TXNL4B: variants seen among roughly 807,000 people sequenced by gnomAD.
TXNL4B encodes the protein thioredoxin like 4B, also known as thioredoxin-like protein 4B.
TXNL4B carries 12 observed loss-of-function variants against 13.0 expected under a neutral mutation model. That is an observed-to-expected ratio of 0.92 (90% CI 0.59 to 1.49). The LOEUF (loss-of-function observed/expected upper bound fraction) is 1.49, where lower values mean the gene tolerates loss of function less well. Ranked by LOEUF, TXNL4B falls within the 40% of genes most tolerant of loss-of-function variation. The probability of loss-of-function intolerance (pLI) is 0.00; values close to 1 mark genes in which losing one functional copy is unlikely to be tolerated. For synonymous variants in TXNL4B, 59 were observed against 58.9 expected, an observed-to-expected ratio of 1.00 and a Z score of -0.01; for missense variants, 214 against 173.6, an observed-to-expected ratio of 1.23 and a Z score of -1.31.
At chr16:72,092,591 C>T (rs1192812282) in intron 1 of TXNL4B, among the ~76,000 whole-genome samples, 2 of 152,022 alleles carry the variant, frequency 1.3e-5, no homozygotes, top group Non-Finnish European at 2.9e-5. Flanking sequence ...CGGATCTGTC[C>T]CACTAGAATT....
chr16:72,086,844 AG>A, intron 3 of TXNL4B, 42 bp from the exon 4 acceptor site: 2 of 1,445,000 alleles, frequency 1.4e-6, no homozygotes, highest in African/African-American at 2.8e-5. Context: ...AAGAACTTTG[AG>A]TAATCACTTG....
At chr16:72,093,750 T>TCCCCA (rs2041960315), upstream of TXNL4B, 1 of 152,284 alleles carries the variant, frequency 6.6e-6, no homozygotes, top group Admixed American at 6.5e-5. Context: ...CGGGATGTAG[T>TCCCCA]CTCTTAGGCT....
At chr16:72,090,415 T>G (rs1331236000) in intron 2 of TXNL4B, among the ~76,000 whole-genome samples, 2 of 152,120 alleles carry the variant, frequency 1.3e-5, no homozygotes, top group African/African-American at 4.8e-5. Flanking sequence ...CAGCTTCTAG[T>G]GGGTAAGGAC....
chr16:72,090,020 T>A, intron 2 of TXNL4B: 1 of 448,176 alleles, frequency 2.2e-6, no homozygotes, highest in South Asian at 1.6e-5. Context: ...TGGTCCTTTT[T>A]TCCCCAAGCT....
intron 1 of TXNL4B, 142 bp downstream of exon 1, chr16:72,093,225 T>A (rs936423420): frequency 2.6e-5 from 4 of 152,262 alleles, no homozygotes; most frequent in African/African-American, 4.8e-5. Flanking sequence ...TCAGTGGTCA[T>A]CTCTGCGTGT....
chr16:72,088,592 T>G (rs1277518652), intron 3 of TXNL4B, among the ~76,000 whole-genome samples: 2 of 152,226 alleles, frequency 1.3e-5, no homozygotes, highest in South Asian at 2.1e-4. Flanking sequence ...GTCCAAAAGC[T>G]TAAGAAAAAC....
chr16:72,088,576 T>C (rs1435856693), intron 3 of TXNL4B, among the ~76,000 whole-genome samples: 1 of 152,224 alleles, frequency 6.6e-6, no homozygotes, highest in East Asian at 1.9e-4. Flanking sequence ...TAAATGCCAC[T>C]TACCAGTCCA....
intron 2 of TXNL4B, among the ~76,000 whole-genome samples, chr16:72,089,399 G>T (rs1265636049): frequency 1.3e-5 from 2 of 152,120 alleles, no homozygotes; most frequent in African/African-American, 4.8e-5. Flanking sequence ...GGTTAGAAGG[G>T]GACCTTGGGG....
intron 3 of TXNL4B, among the ~76,000 whole-genome samples, chr16:72,087,968 C>T (rs1460797242): frequency 2.6e-5 from 4 of 152,208 alleles, no homozygotes; most frequent in South Asian, 2.1e-4. Flanking sequence ...TACATGCGCC[C>T]GCCACCACGC....
In TXNL4B at chr16:72,090,739, A is replaced by G. The variant is rs1450121858; in HGVS notation, c.11T>C (p.Leu4Pro). Residue 4 changes from leucine (L) to proline (P), a missense_variant, in exon 2 of 4, where the codon CTA becomes CCA. Transcript: ENST00000268483. Reference sequence around the variant, plus strand: ...CTTTTTGCTAGTCAGCTTGGGCAGTAGGAAGCTCATCTTGAAATAACCCAA... The same window carrying G: ...CTTTTTGCTAGTCAGCTTGGGCAGTGGGAAGCTCATCTTGAAATAACCCAA... The part of the protein sequence containing the change: MSF[L>P]LPKLTSKKEV... 1.2e-6 allele frequency: 2 copies of G among 1,614,146 alleles called. No homozygotes were observed. Among genetic ancestry groups the G allele is most frequent in the African/African-American group, 1.3e-5 (1 of 75,040 alleles).
chr16:72,089,249 A>G (rs2041867567), intron 2 of TXNL4B, 111 bp from the exon 3 acceptor site: 1 of 884,434 alleles, frequency 1.1e-6, no homozygotes. Context: ...TCCTGGGCCA[A>G]CAATGCAGCC....
chr16:72,090,635 G>C lies in TXNL4B; in HGVS notation c.115C>G (p.Leu39Val). ...TCACTTACAATATCATCTAGCTGCA[G>C]ACAGACAGGATCTTCATCTCTCCCA... Reference protein sequence around the residue: ...RFGRDEDPVCLQLDDILSKTS... With the variant: ...RFGRDEDPVCVQLDDILSKTS... Residue 39 changes from leucine (L) to valine (V), a missense_variant, in exon 2 of 4, where the codon CTG becomes GTG. Leu to Val is a conservative substitution (Grantham distance 32, BLOSUM62 1). Coordinates refer to ENST00000268483, the MANE Select transcript of TXNL4B (RefSeq NM_017853.3). The C allele has an allele frequency of 6.2e-7, 1 of 1,614,004 alleles. No individual in the cohort carries two copies. The highest frequency in any genetic ancestry group is 8.5e-7 in the Non-Finnish European group (1 of 1,179,964).
chr16:72,090,701 C>T lies in TXNL4B; in HGVS notation c.49G>A (p.Ala17Thr), dbSNP rs1442433115. The T allele has an allele frequency of 1.2e-6, 2 of 1,614,170 alleles. No homozygotes were observed. The highest frequency in any genetic ancestry group is 1.1e-5 in the South Asian group (1 of 91,088). Residue 17 changes from alanine to threonine, a missense_variant, in exon 2 of 4, where the codon GCG becomes ACG. Ala to Thr is a moderately conservative substitution (Grantham distance 58). Transcript: ENST00000268483. ...KLTSKKEVDQ[A>T]IKSTAEKVLV... ...ACCTTCTCAGCAGTACTTTTTATCGCCTGGTCTACTTCCTTTTTGCTAGTC... is the reference window on the plus strand; with the variant it reads ...ACCTTCTCAGCAGTACTTTTTATCGTCTGGTCTACTTCCTTTTTGCTAGTC...
intron 3 of TXNL4B, 72 bp from the exon 4 acceptor site, chr16:72,086,874 A>C (rs2041831304): frequency 8.2e-7 from 1 of 1,212,386 alleles, no homozygotes; most frequent in Admixed American, 2.5e-5. Flanking sequence ...TTTCAGGATA[A>C]ACAAAATGAA....
intron 3 of TXNL4B, among the ~76,000 whole-genome samples, chr16:72,087,795 G>C (rs1346638839): frequency 6.6e-6 from 1 of 152,068 alleles, no homozygotes; most frequent in Non-Finnish European, 1.5e-5. Flanking sequence ...CTCCTGAGTA[G>C]TTGGGATTAC....
At chr16:72,090,270 C>A in intron 2 of TXNL4B, 1 of 456,990 alleles carries the variant, frequency 2.2e-6, no homozygotes, top group South Asian at 1.6e-5. Context: ...TACTTGACCT[C>A]TCTGGTTTTT....
chr16:72,090,974 C>G (rs2041896056), intron 1 of TXNL4B, among the ~76,000 whole-genome samples, 188 bp from the exon 2 acceptor site: 1 of 152,182 alleles, frequency 6.6e-6, no homozygotes, highest in African/African-American at 2.4e-5. Flanking sequence ...GTTCCCTCCC[C>G]CGGGCCAGAT....
Position 72,090,677 on chromosome 16 carries a change from CCTT to C in TXNL4B, c.70_72del (p.Lys24del). On this transcript the variant is annotated inframe_deletion, in exon 2 of 4. Coordinates refer to ENST00000268483, the MANE Select transcript of TXNL4B (RefSeq NM_017853.3). ...TCTCTCCCAAACCTGAGAACCAACA[CCTT>C]CTCAGCAGTACTTTTTATCGCCTGG... 6.2e-7 allele frequency: 1 copy of C among 1,614,128 alleles called. No individual in the cohort carries two copies. The highest frequency in any genetic ancestry group is 8.5e-7 in the Non-Finnish European group (1 of 1,179,966).
intron 3 of TXNL4B, among the ~76,000 whole-genome samples, chr16:72,088,663 T>C (rs1046574177): frequency 6.6e-6 from 1 of 152,248 alleles, no homozygotes; most frequent in Non-Finnish European, 1.5e-5. Flanking sequence ...ATTTAGCTAA[T>C]ATGGCTATTT....
Sources: gnomAD v4.1 joint callset for allele counts (sites outside exome capture counted in the v4.1 genomes callset) on GRCh38, gnomAD v4.1.1 for gene constraint, MANE v1.5 for transcripts, NCBI Gene and HGNC (gene_info 2026-07-23, HGNC 2026-07-21) for gene names.